The following PTPRD variants were observed in gnomAD, a reference collection of about 807,000 sequenced individuals.
The protein encoded by PTPRD is receptor-type tyrosine-protein phosphatase delta.
Under a neutral mutation model 214.5 loss-of-function variants are expected in PTPRD, and 34 were observed. That is an observed-to-expected ratio of 0.16 (90% CI 0.12 to 0.21). The LOEUF (loss-of-function observed/expected upper bound fraction) is 0.21. PTPRD is among the 10% of genes least tolerant of loss of function. The probability of loss-of-function intolerance (pLI) is 1.00; values close to 1 mark genes in which losing one functional copy is unlikely to be tolerated. For missense variants in PTPRD, 2,545 were observed against 2,398.7 expected, an observed-to-expected ratio of 1.06 and a Z score of -1.27; for synonymous variants, 1,128 against 845.7, an observed-to-expected ratio of 1.33 and a Z score of -5.79.
At chr9:9,464,578 T>C (rs1310859185) in intron 8 of PTPRD, among the ~76,000 whole-genome samples, 1 of 152,170 alleles carries the variant, frequency 6.6e-6, no homozygotes, top group Non-Finnish European at 1.5e-5. Flanking sequence ...GTTTTATTGC[T>C]TGAATTTATG....
chr9:8,467,073 T>A (rs2096559167), intron 31 of PTPRD, among the ~76,000 whole-genome samples: 1 of 151,960 alleles, frequency 6.6e-6, no homozygotes. Flanking sequence ...AACCAGTTTT[T>A]CAGTTACAGG....
intron 11 of PTPRD, among the ~76,000 whole-genome samples, chr9:8,978,544 C>G (rs1394120792): frequency 1.3e-5 from 2 of 152,068 alleles, no homozygotes; most frequent in Non-Finnish European, 2.9e-5. Context: ...AGACTCAGAC[C>G]TATCAGAGTT....
chr9:10,542,213 T>G (rs999975944), intron 2 of PTPRD, among the ~76,000 whole-genome samples: 1 of 151,978 alleles, frequency 6.6e-6, no homozygotes, highest in African/African-American at 2.4e-5. Flanking sequence ...AAGAATAGCC[T>G]CCTCCTGTCA....
chr9:9,621,287 C>T (rs1593264351), intron 7 of PTPRD, among the ~76,000 whole-genome samples: 1 of 152,238 alleles, frequency 6.6e-6, no homozygotes, highest in African/African-American at 2.4e-5. Flanking sequence ...AGTTTTATTT[C>T]ATGTTCATAA....
At chr9:9,559,089 A>G (rs1232421437) in intron 8 of PTPRD, among the ~76,000 whole-genome samples, 1 of 152,200 alleles carries the variant, frequency 6.6e-6, no homozygotes, top group Non-Finnish European at 1.5e-5. Flanking sequence ...AGTCATCTGA[A>G]TGATGACTGT....
chr9:9,908,854 T>A (rs923108875), intron 5 of PTPRD, among the ~76,000 whole-genome samples: 2 of 151,982 alleles, frequency 1.3e-5, no homozygotes, highest in African/African-American at 4.8e-5. Context: ...AATATTATTG[T>A]CTTTGGTATC....
chr9:10,170,642 G>A (rs1389464600), intron 3 of PTPRD, among the ~76,000 whole-genome samples: 2 of 152,096 alleles, frequency 1.3e-5, no homozygotes, highest in Non-Finnish European at 1.5e-5. Context: ...AGTCGAGATC[G>A]CACCACTGCA....
intron 7 of PTPRD, among the ~76,000 whole-genome samples, chr9:9,628,312 T>C (rs1334544034): frequency 2.0e-5 from 3 of 152,190 alleles, no homozygotes; most frequent in African/African-American, 4.8e-5. Flanking sequence ...TACAGGGGCT[T>C]ATTCCATATC....
intron 23 of PTPRD, among the ~76,000 whole-genome samples, chr9:8,501,319 G>C (rs528144322): frequency 6.6e-6 from 1 of 152,256 alleles, no homozygotes; most frequent in South Asian, 2.1e-4. Flanking sequence ...GAGACCTCGA[G>C]ATAATGGAGC....
chr9:9,160,975 C>T (rs55660315), intron 10 of PTPRD, among the ~76,000 whole-genome samples: 6 of 152,084 alleles, frequency 3.9e-5, no homozygotes, highest in African/African-American at 1.4e-4. Context: ...TATGCAGAAT[C>T]TAACAAATTT....
intron 3 of PTPRD, among the ~76,000 whole-genome samples, chr9:10,056,938 G>A (rs2097662941): frequency 6.6e-6 from 1 of 152,128 alleles, no homozygotes; most frequent in Non-Finnish European, 1.5e-5. Context: ...CTTTGGGATT[G>A]TTATTTTTGG....
intron 3 of PTPRD, among the ~76,000 whole-genome samples, chr9:10,210,455 T>C (rs779459730): frequency 9.2e-5 from 14 of 151,974 alleles, no homozygotes; most frequent in Non-Finnish European, 1.0e-4. Context: ...GACACTGCAT[T>C]GACCACTTAG....
intron 11 of PTPRD, among the ~76,000 whole-genome samples, chr9:8,978,714 T>C (rs756439463): frequency 4.6e-5 from 7 of 152,090 alleles, no homozygotes; most frequent in Non-Finnish European, 1.0e-4. Context: ...ACGGCAATAC[T>C]GCTTTGGAGG....
chr9:9,683,984 G>C (rs913223750), intron 7 of PTPRD, among the ~76,000 whole-genome samples: 2 of 151,536 alleles, frequency 1.3e-5, no homozygotes, highest in Non-Finnish European at 3.0e-5. Context: ...AACACGCTCT[G>C]AAAATGACAG....
chr9:9,177,811 G>C (rs766863952), intron 10 of PTPRD, among the ~76,000 whole-genome samples: 1 of 152,060 alleles, frequency 6.6e-6, no homozygotes, highest in Non-Finnish European at 1.5e-5. Context: ...TTTTATAAAG[G>C]CATCTTAAAA....
intron 11 of PTPRD, among the ~76,000 whole-genome samples, chr9:8,802,619 C>T (rs7867313): frequency 0.76 from 115,394 of 152,188 alleles, 44,573 homozygotes; most frequent in African/African-American, 0.92. Flanking sequence ...CAAATTCTAG[C>T]TCCTTCCTTC....
chr9:10,370,541 G>A (rs2097590444), intron 2 of PTPRD, among the ~76,000 whole-genome samples: 1 of 151,910 alleles, frequency 6.6e-6, no homozygotes, highest in South Asian at 2.1e-4. Context: ...GTAGAATTTT[G>A]AAATACATTG....
chr9:10,149,425 C>T (rs2099045450), intron 3 of PTPRD, among the ~76,000 whole-genome samples: 3 of 152,158 alleles, frequency 2.0e-5, no homozygotes, highest in African/African-American at 7.2e-5. Flanking sequence ...ATCCTAGTTT[C>T]CACCTTTTTT....
chr9:9,763,749 C>T (rs2098681825), intron 6 of PTPRD, among the ~76,000 whole-genome samples: 1 of 143,250 alleles, frequency 7.0e-6, no homozygotes, highest in Admixed American at 6.8e-5. Flanking sequence ...CTTTATTTCA[C>T]TGTCCTTCTT....
Sources: gnomAD v4.1 joint callset for allele counts (sites outside exome capture counted in the v4.1 genomes callset) on GRCh38, gnomAD v4.1.1 for gene constraint, MANE v1.5 for transcripts, NCBI Gene and HGNC (gene_info 2026-07-23, HGNC 2026-07-21) for gene names.